The following COIL variants were observed in gnomAD, a reference collection of about 807,000 sequenced individuals.
COIL encodes coilin p80.
Under a neutral mutation model 51.6 loss-of-function variants are expected in COIL, and 28 were observed. The observed-to-expected ratio is 0.54, with a 90% confidence interval of 0.40 to 0.74. The LOEUF is 0.74. COIL is among the 30% of genes least tolerant of loss of function. The probability of loss-of-function intolerance (pLI) is 0.00; values close to 1 mark genes in which losing one functional copy is unlikely to be tolerated. For synonymous variants in COIL, 233 were observed against 255.8 expected (o/e 0.91, Z 0.85); for missense variants, 667 against 685.9 (o/e 0.97, Z 0.31).
chr17:56,950,056 C>A lies in COIL; in HGVS notation c.1186G>T (p.Gly396Cys), dbSNP rs1424323074. The change falls in exon 2 of 7, where the codon GGT becomes TGT. Residue 396 changes from glycine (G) to cysteine (C), a missense_variant. Physicochemically the swap from Gly to Cys is radical, Grantham distance 159. Transcript: ENST00000240316. ...CAAGAAAAAAGGTTCTCTTCTCTACCCCATCCTCTTCCTAAACTAGCAGGG... is the reference window on the plus strand; with the variant it reads ...CAAGAAAAAAGGTTCTCTTCTCTACACCATCCTCTTCCTAAACTAGCAGGG... The part of the protein sequence containing the change: ...SLPASLGRGW[G>C]REENLFSWKG... 5 of 1,614,084 alleles carry A rather than the reference C, an allele frequency of 3.1e-6. No individual in the cohort carries two copies. The highest frequency in any genetic ancestry group is 2.2e-5 in the East Asian group (1 of 44,876).
At chr17:56,943,186 TA>T (rs1314789238) in intron 5 of COIL, among the ~76,000 whole-genome samples, 6 of 152,250 alleles carry the variant, frequency 3.9e-5, no homozygotes, top group African/African-American at 1.4e-4. Context: ...GCAACTGTTA[TA>T]CTCTTTTCTA....
At chr17:56,947,866 T>C (rs1296144202) in intron 4 of COIL, among the ~76,000 whole-genome samples, 1 of 152,206 alleles carries the variant, frequency 6.6e-6, no homozygotes, top group Non-Finnish European at 1.5e-5. Context: ...CATTTCCTCA[T>C]ATATCACACA....
intron 5 of COIL, among the ~76,000 whole-genome samples, chr17:56,944,292 G>A (rs1910202568): frequency 6.6e-6 from 1 of 152,136 alleles, no homozygotes. Flanking sequence ...AATCTCATCA[G>A]AAGAAAGGTT....
At position 56,938,496 on chromosome 17, in the gene COIL, G is replaced by C. The variant is rs1910082362; in HGVS notation, c.*575C>G. ...TCTTATTTTCACTGCTCTACACAGG[G>C]ACCTGAGAATCCTTAATTTTAAAGT... is the stretch of plus-strand genomic sequence containing the variant. On this transcript the variant is annotated 3_prime_UTR_variant, in exon 7 of 7. Transcript: ENST00000240316. 1 of 152,292 alleles carries C rather than the reference G, an allele frequency of 6.6e-6. No individual in the cohort carries two copies. The highest frequency in any genetic ancestry group is 2.4e-5 in the African/African-American group (1 of 41,410). 9.4% of individuals were successfully genotyped at this position (152,292 alleles called of 1,614,324 possible).
At chr17:56,947,413 T>C (rs944144346) in intron 4 of COIL, among the ~76,000 whole-genome samples, 6 of 152,222 alleles carry the variant, frequency 3.9e-5, no homozygotes, top group African/African-American at 1.4e-4. Flanking sequence ...TCAAAAAATT[T>C]TGCCAACTAA....
chr17:56,941,672 T>C (rs1355399920), intron 6 of COIL, among the ~76,000 whole-genome samples: 1 of 152,170 alleles, frequency 6.6e-6, no homozygotes, highest in African/African-American at 2.4e-5. Flanking sequence ...TATTTCCTGA[T>C]CTGGGTCTGG....
At chr17:56,957,552 G>A (rs1471239332) in intron 1 of COIL, among the ~76,000 whole-genome samples, 2 of 151,268 alleles carry the variant, frequency 1.3e-5, no homozygotes, top group African/African-American at 2.4e-5. Flanking sequence ...AACCTGGGAG[G>A]CAGATGTTGC....
chr17:56,950,181 C>A lies in COIL; in HGVS notation c.1061G>T (p.Gly354Val). The A allele has an allele frequency of 1.2e-6, 2 of 1,614,170 alleles. No individual in the cohort carries two copies. The highest frequency in any genetic ancestry group is 1.1e-5 in the South Asian group (1 of 91,084). The change falls in exon 2 of 7, where the codon GGC becomes GTC. Residue 354 changes from glycine to valine, a missense_variant. Gly to Val is a moderately radical substitution (Grantham distance 109). Transcript: ENST00000240316. ...TGCAGTCTGTGATGACAGCCCTGGG[C>A]CTGGACGACCTCTTCCTGCAAAAAG... Reference protein sequence around the residue: ...VGLFAGRGRPGPGLSSQTAGA... With the variant: ...VGLFAGRGRPVPGLSSQTAGA...
intron 1 of COIL, among the ~76,000 whole-genome samples, chr17:56,956,483 T>C (rs1910486307): frequency 6.6e-6 from 1 of 152,114 alleles, no homozygotes; most frequent in South Asian, 2.1e-4. Flanking sequence ...CACAAACTCC[T>C]GGACTCAAGT....
chr17:56,948,353 A>G (rs544691216), intron 4 of COIL, among the ~76,000 whole-genome samples: 1 of 151,506 alleles, frequency 6.6e-6, no homozygotes, highest in South Asian at 2.1e-4. Context: ...GTTAGCCAGG[A>G]TGGTCTCAAT....
At chr17:56,956,895 T>C (rs1248527762) in intron 1 of COIL, among the ~76,000 whole-genome samples, 1 of 152,160 alleles carries the variant, frequency 6.6e-6, no homozygotes, top group African/African-American at 2.4e-5. Context: ...CGCCCAGCCT[T>C]CATCAAGTAT....
At chr17:56,947,762 T>C (rs1645658789) in intron 4 of COIL, among the ~76,000 whole-genome samples, 1 of 152,182 alleles carries the variant, frequency 6.6e-6, no homozygotes, top group African/African-American at 2.4e-5. Context: ...TGAGCCACTG[T>C]GCCTGGCCAT....
Position 56,950,861 on chromosome 17 carries a change from T to G in COIL, c.381A>C (p.Lys127Asn), listed in dbSNP as rs1025135397. 3.7e-6 allele frequency: 6 copies of G among 1,613,946 alleles called. No homozygotes were observed. The highest frequency in any genetic ancestry group is 5.1e-6 in the Non-Finnish European group (6 of 1,180,058). ...GACTCTTCCAATGCTTCTTTGAATA[T>G]TTGCAATCTGGTTCAGTTTCTTCAC... ...EEGEETEPDC[K>N]YSKKHWKSRE... The change falls in exon 2 of 7, where the codon AAA (lysine) becomes AAC (asparagine). Residue 127 changes from lysine to asparagine, a missense_variant. By Grantham distance (94) the Lys-to-Asn change is moderately conservative. Coordinates refer to ENST00000240316, the MANE Select transcript of COIL (RefSeq NM_004645.3).
intron 1 of COIL, chr17:56,952,435 C>A: frequency 2.9e-6 from 1 of 347,084 alleles, no homozygotes; most frequent in South Asian, 2.3e-5. Context: ...AATATATTGC[C>A]TCAGTGGAAA....
At chr17:56,944,554 G>A (rs1378720494) in intron 5 of COIL, among the ~76,000 whole-genome samples, 1 of 151,404 alleles carries the variant, frequency 6.6e-6, no homozygotes, top group Non-Finnish European at 1.5e-5. Flanking sequence ...ATCGCCCACT[G>A]CACTCCAGCC....
chr17:56,938,912 A>AT lies in COIL; in HGVS notation c.*158dup. ...GATCTACAAAACCGACACCCATGTC[A>AT]TTTTAAATGATGAGGTAGATTGTTT... On this transcript the variant is annotated 3_prime_UTR_variant, in exon 7 of 7. Transcript: ENST00000240316. 1 of 476,634 alleles carries AT rather than the reference A, an allele frequency of 2.1e-6. No homozygotes were observed. The highest frequency in any genetic ancestry group is 3.7e-6 in the Non-Finnish European group (1 of 269,706). 29.5% of individuals were successfully genotyped at this position (476,634 alleles called of 1,614,324 possible).
chr17:56,943,141 T>C (rs1161413960), intron 5 of COIL, among the ~76,000 whole-genome samples: 2 of 152,236 alleles, frequency 1.3e-5, no homozygotes, highest in Non-Finnish European at 2.9e-5. Flanking sequence ...CCCTGTAACT[T>C]ACAATACAGA....
At chr17:56,956,168 G>A (rs1256320151) in intron 1 of COIL, among the ~76,000 whole-genome samples, 2 of 152,312 alleles carry the variant, frequency 1.3e-5, no homozygotes, top group South Asian at 4.1e-4. Context: ...GATAAAAGTA[G>A]TAGGAAACTT....
intron 1 of COIL, among the ~76,000 whole-genome samples, chr17:56,959,737 T>G (rs1196180650): frequency 3.9e-5 from 6 of 152,232 alleles, no homozygotes; most frequent in Non-Finnish European, 7.3e-5. Context: ...AAGGCCGCCA[T>G]GGGTAAGGCC....
Sources: allele counts gnomAD v4.1 joint callset (sites outside exome capture counted in the v4.1 genomes callset), GRCh38; gene constraint gnomAD v4.1.1; transcripts MANE v1.5; gene names NCBI Gene and HGNC (gene_info 2026-07-23, HGNC 2026-07-21).